Variants in RP1 observed in about 807,000 individuals in gnomAD.
RP1 encodes the protein oxygen-regulated protein 1.
RP1 carries 16 observed loss-of-function variants against 14.8 expected under a neutral mutation model. The observed-to-expected ratio is 1.08, with a 90% CI of 0.73 to 1.65. The LOEUF is 1.65. Ranked by LOEUF, RP1 falls within the 40% of genes most tolerant of loss-of-function variation. The probability of loss-of-function intolerance (pLI) is 0.00; values close to 1 mark genes in which losing one functional copy is unlikely to be tolerated. For synonymous variants in RP1, 876 were observed against 883.6 expected, an observed-to-expected ratio of 0.99 and a Z score of 0.15; for missense variants, 2,631 against 2,535.0, an observed-to-expected ratio of 1.04 and a Z score of -0.81.
In RP1 at chr8:54,628,972, A is replaced by G. The variant is rs780749615; in HGVS notation, c.5090A>G (p.Gln1697Arg). 1.9e-6 allele frequency: 3 copies of G among 1,614,086 alleles called. No individual in the cohort carries two copies. The East Asian group carries it at 6.7e-5, about 36-fold the overall frequency. Reference sequence around the variant, plus strand: ...AGTTCATCTATGTTGCAGGAATTCCAGGAGGAAAGACAAGATAAGTGTGAT... The same window carrying G: ...AGTTCATCTATGTTGCAGGAATTCCGGGAGGAAAGACAAGATAAGTGTGAT... ...SSSSSMLQEF[Q>R]EERQDKCDVS... Residue 1697 changes from glutamine to arginine, a missense_variant, in exon 4 of 4, where the codon CAG becomes CGG. Physicochemically the swap from Gln to Arg is conservative, Grantham distance 43 (BLOSUM62 1). Coordinates refer to ENST00000220676, the MANE Select transcript of RP1 (RefSeq NM_006269.2).
At chr8:54,591,760 A>G (rs1004180241) in intron 1 of RP1, among the ~76,000 whole-genome samples, 5 of 152,128 alleles carry the variant, frequency 3.3e-5, no homozygotes, top group Admixed American at 2.0e-4. Context: ...ATCATGCGTC[A>G]GCGGCCAGGT....
chr8:54,649,105 C>T, exon 4 of RP1: 1 of 1,520,726 alleles, frequency 6.6e-7, no homozygotes, highest in Non-Finnish European at 8.7e-7. Context: ...CTTTATGGAA[C>T]AGATGGGGCT....
intron 24 of RP1, among the ~76,000 whole-genome samples, chr8:54,806,301 G>C (rs1009739791): frequency 6.6e-6 from 1 of 152,066 alleles, no homozygotes; most frequent in East Asian, 1.9e-4. Context: ...ACAAGCGTGA[G>C]CCATTGTGTC....
intron 6 of RP1, among the ~76,000 whole-genome samples, chr8:54,656,711 A>G (rs898336525): frequency 6.6e-6 from 1 of 151,360 alleles, no homozygotes; most frequent in African/African-American, 2.4e-5. Flanking sequence ...ACTCAGGATT[A>G]GGTAGTCACT....
chr8:54,758,851 T>C (rs1037456383), intron 21 of RP1: 83 of 1,456,756 alleles, frequency 5.7e-5, no homozygotes, highest in Non-Finnish European at 7.3e-5. Flanking sequence ...TAACTATTAT[T>C]ATTGCCTGCA....
intron 19 of RP1, among the ~76,000 whole-genome samples, chr8:54,740,402 G>GA (rs1809048159): frequency 7.9e-5 from 1 of 12,734 alleles, no homozygotes; most frequent in African/African-American, 4.6e-4. Flanking sequence ...AGCTTAAAAA[G>GA]TAAAAAAAAA....
chr8:54,861,677 A>G (rs573796436), intron 27 of RP1, among the ~76,000 whole-genome samples: 8 of 151,750 alleles, frequency 5.3e-5, no homozygotes, highest in Admixed American at 4.6e-4. Flanking sequence ...ATCTTGGCTT[A>G]CTGCAACCTC....
At chr8:54,638,453 A>C (rs1054524718) in intron 3 of RP1, among the ~76,000 whole-genome samples, 10 of 147,166 alleles carry the variant, frequency 6.8e-5, no homozygotes, top group African/African-American at 9.9e-5. Flanking sequence ...AAAAAAAAAA[A>C]CATACCGTTA....
chr8:54,609,062 T>C (rs1313831530), intron 1 of RP1, among the ~76,000 whole-genome samples: 2 of 152,190 alleles, frequency 1.3e-5, no homozygotes, highest in Non-Finnish European at 2.9e-5. Context: ...CAGTAAGCTA[T>C]GATGGATAGA....
In RP1 at chr8:54,629,267, A is replaced by G. The variant is rs1806179468; in HGVS notation, c.5385A>G (p.Pro1795=). 6 of 1,613,856 alleles carry G rather than the reference A, an allele frequency of 3.7e-6. No homozygotes were observed. The highest frequency in any genetic ancestry group is 1.3e-5 in the African/African-American group (1 of 75,054). The part of the protein sequence containing the change: ...YSHFGNLAPG[P]TMDELSSSEL... ...ATTTTGGTAATTTGGCCCCAGGCCC[A>G]ACGATGGATGAACTCTCCTCTTCAG... is the stretch of plus-strand genomic sequence containing the variant. The change falls in exon 4 of 4, where the codon CCA becomes CCG. Residue 1795 remains proline (P), a synonymous_variant. Transcript: ENST00000220676.
At chr8:54,624,191 C>T (rs1239457109) in intron 3 of RP1, among the ~76,000 whole-genome samples, 2 of 151,958 alleles carry the variant, frequency 1.3e-5, no homozygotes, top group East Asian at 1.9e-4. Context: ...CCTGTAATCC[C>T]AGCACTTTGG....
In RP1 at chr8:54,655,945, T is replaced by A. The variant is rs1806745774; in HGVS notation, c.1039-138T>A. 26 of 537,970 alleles carry A rather than the reference T, an allele frequency of 4.8e-5. No homozygotes were observed. The South Asian group carries it at 7.9e-4, about 16-fold the overall frequency. The allele number at this position is 537,970 out of a possible 1,614,324, so 33.3% of individuals were successfully genotyped here. The stretch of plus-strand genomic sequence containing the variant: ...CCTGAGATGGCAGTAAAAGAAGAAA[T>A]TAGCACTGTCAAATTATCAACAGTT... On this transcript the variant is annotated intron_variant, in intron 5 of 22. Transcript: ENST00000636932.
chr8:54,819,024 A>G (rs1811196467), intron 24 of RP1, among the ~76,000 whole-genome samples: 1 of 152,104 alleles, frequency 6.6e-6, no homozygotes, highest in African/African-American at 2.4e-5. Flanking sequence ...TGGAGGGCCC[A>G]GAACACATTC....
chr8:54,606,684 C>G (rs200380082), intron 1 of RP1, among the ~76,000 whole-genome samples: 1 of 152,214 alleles, frequency 6.6e-6, no homozygotes, highest in East Asian at 1.9e-4. Context: ...GTACACCAAT[C>G]AGACGTAGAT....
intron 16 of RP1, among the ~76,000 whole-genome samples, chr8:54,724,168 T>C (rs1046374544): frequency 6.6e-6 from 1 of 152,216 alleles, no homozygotes; most frequent in Non-Finnish European, 1.5e-5. Flanking sequence ...TATATCCAAT[T>C]CATAAAATTC....
chr8:54,671,396 C>T (rs1248775010), intron 7 of RP1, among the ~76,000 whole-genome samples: 1 of 151,990 alleles, frequency 6.6e-6, no homozygotes, highest in Non-Finnish European at 1.5e-5. Flanking sequence ...AAGTTTTTGG[C>T]TATTATTTTT....
chr8:54,787,572 C>A (rs75142043), intron 24 of RP1, among the ~76,000 whole-genome samples: 1 of 152,120 alleles, frequency 6.6e-6, no homozygotes, highest in South Asian at 2.1e-4. Context: ...AAATTTAGTT[C>A]GGCTTTTTAT....
chr8:54,664,744 T>C (rs1021494476), intron 7 of RP1, among the ~76,000 whole-genome samples: 1 of 152,140 alleles, frequency 6.6e-6, no homozygotes, highest in Non-Finnish European at 1.5e-5. Context: ...TTTGTAGGAA[T>C]AGAAAACCAA....
intron 16 of RP1, among the ~76,000 whole-genome samples, chr8:54,725,520 G>A (rs930274724): frequency 6.6e-6 from 1 of 152,150 alleles, no homozygotes; most frequent in African/African-American, 2.4e-5. Flanking sequence ...GATAAGTGTC[G>A]CTAATTTCTA....
Sources: allele counts gnomAD v4.1 joint callset (sites outside exome capture counted in the v4.1 genomes callset), GRCh38; gene constraint gnomAD v4.1.1; transcripts MANE v1.5; gene names NCBI Gene and HGNC (gene_info 2026-07-23, HGNC 2026-07-21).